CYSTM1: variants seen among roughly 807,000 people sequenced by gnomAD.
CYSTM1 encodes cysteine-rich transmembrane module-containing protein 1.
In CYSTM1, 4 loss-of-function variants were observed where a neutral mutation model predicts 13.1. The ratio of observed to expected loss-of-function variants is 0.31; its 90% CI spans 0.15 to 0.70. The LOEUF (loss-of-function observed/expected upper bound fraction) is 0.70. CYSTM1 is among the 30% of genes least tolerant of loss of function. CYSTM1 has a pLI of 0.72. For missense variants in CYSTM1, 96 were observed against 121.6 expected (o/e 0.79, Z 0.99); for synonymous variants, 36 against 42.7 (o/e 0.84, Z 0.62).
chr5:140,186,809 A>G (rs746054381), intron 1 of CYSTM1, among the ~76,000 whole-genome samples: 4 of 152,180 alleles, frequency 2.6e-5, no homozygotes, highest in African/African-American at 4.8e-5. Context: ...ACTCTAAACC[A>G]GAGATGATAT....
intron 2 of CYSTM1, among the ~76,000 whole-genome samples, chr5:140,226,860 T>G (rs1581071280): frequency 2.8e-5 from 4 of 145,074 alleles, no homozygotes; most frequent in South Asian, 2.2e-4. Flanking sequence ...GGCCAAGGGG[T>G]GGGGTGGGCA....
intron 2 of CYSTM1, among the ~76,000 whole-genome samples, chr5:140,222,564 T>G (rs1163195404): frequency 6.6e-6 from 1 of 152,262 alleles, no homozygotes; most frequent in Non-Finnish European, 1.5e-5. Flanking sequence ...ACTGCATAAC[T>G]AAAAATACTG....
intron 2 of CYSTM1, among the ~76,000 whole-genome samples, chr5:140,242,777 T>G (rs1204236135): frequency 6.6e-6 from 1 of 152,228 alleles, no homozygotes; most frequent in Non-Finnish European, 1.5e-5. Context: ...ATCCCTGCCT[T>G]CCTTCATCGT....
chr5:140,177,068 C>CAAAAAAAAAAAAAAAAAAAA lies in CYSTM1; in HGVS notation c.-21+1802_-21+1803insAAAAAAAAAAAAAAAAAAAA. On this transcript the variant is annotated intron_variant, in intron 1 of 2. Transcript: ENST00000261811. ...TGGGCGACAGAGCGAGACTCTGTCT[C>CAAAAAAAAAAAAAAAAAAAA]AAAAAAAAAAAAAAAAAAATCTCTA... 2.3e-5 allele frequency among the ~76,000 whole-genome samples: 2 copies of CAAAAAAAAAAAAAAAAAAAA among 87,944 alleles called. 1 individual carries two copies. Among genetic ancestry groups the CAAAAAAAAAAAAAAAAAAAA allele is most frequent in the Admixed American group, 2.6e-4 (2 of 7,752 alleles). The allele number at this position is 87,944 out of a possible 152,430, so 57.7% of individuals were successfully genotyped here.
intron 2 of CYSTM1, among the ~76,000 whole-genome samples, chr5:140,234,011 G>A (rs1374669540): frequency 3.9e-5 from 6 of 152,060 alleles, no homozygotes; most frequent in Non-Finnish European, 7.4e-5. Flanking sequence ...CACGTTTTTG[G>A]TGTCAGTCTA....
chr5:140,225,683 TG>T (rs1385829941), intron 2 of CYSTM1, among the ~76,000 whole-genome samples: 1 of 152,210 alleles, frequency 6.6e-6, no homozygotes, highest in Non-Finnish European at 1.5e-5. Context: ...GGAAAACTGA[TG>T]GGGACTGTTC....
At chr5:140,197,269 T>C (rs1472138923) in intron 2 of CYSTM1, among the ~76,000 whole-genome samples, 3 of 152,260 alleles carry the variant, frequency 2.0e-5, no homozygotes, top group Non-Finnish European at 1.5e-5. Flanking sequence ...TTACCTTTCA[T>C]GTAATTTAAG....
chr5:140,202,183 T>G (rs416628), intron 2 of CYSTM1: 115,615 of 151,916 alleles, frequency 0.76, 44,351 homozygotes, highest in African/African-American at 0.82. Context: ...TGATTCACCC[T>G]CCTCGGCCTC....
chr5:140,210,374 A>G (rs1041117393), intron 2 of CYSTM1, among the ~76,000 whole-genome samples: 10 of 152,302 alleles, frequency 6.6e-5, no homozygotes, highest in Middle Eastern at 3.4e-3. Context: ...AGCCTCTACC[A>G]TTAAATACCA....
At chr5:140,235,548 G>C (rs1343086028) in intron 2 of CYSTM1, among the ~76,000 whole-genome samples, 2 of 151,980 alleles carry the variant, frequency 1.3e-5, no homozygotes, top group Non-Finnish European at 2.9e-5. Flanking sequence ...TGGGACTACA[G>C]GCGCCCGCCA....
At chr5:140,206,636 T>TTG (rs1554132668) in intron 2 of CYSTM1, among the ~76,000 whole-genome samples, 1 of 151,842 alleles carries the variant, frequency 6.6e-6, no homozygotes, top group Non-Finnish European at 1.5e-5. Context: ...GTTTGTTTGT[T>TTG]TGTTTCTTTT....
rs10060203 is a variant in CYSTM1, at chr5:140,219,734, T to G, written c.188-23571T>G. 0.23 allele frequency among the ~76,000 whole-genome samples: 35,158 copies of G among 152,204 alleles called. 4,090 individuals carry two copies. Among genetic ancestry groups the G allele is most frequent in the African/African-American group, 0.25 (10,347 of 41,506 alleles). On this transcript the variant is annotated intron_variant, in intron 2 of 2. Coordinates refer to ENST00000261811, the MANE Select transcript of CYSTM1 (RefSeq NM_032412.4). This position sits in a 1 kb window ranked among gnomAD's most constrained non-coding sequence, Gnocchi z 4.1. ...TAAGATAAAACACGTTTTATGTTCA[T>G]TAAAAATGATATGGCAGTGTTTACC...
intron 2 of CYSTM1, among the ~76,000 whole-genome samples, chr5:140,233,003 G>GT (rs1479294938): frequency 6.6e-6 from 1 of 152,170 alleles, no homozygotes; most frequent in Non-Finnish European, 1.5e-5. Flanking sequence ...CTTCTGAACA[G>GT]TAGCAACAGT....
At chr5:140,234,670 T>G (rs568217333) in intron 2 of CYSTM1, among the ~76,000 whole-genome samples, 1 of 152,130 alleles carries the variant, frequency 6.6e-6, no homozygotes, top group Non-Finnish European at 1.5e-5. Context: ...TACTATTCAT[T>G]AAATTGGGTA....
intron 1 of CYSTM1, among the ~76,000 whole-genome samples, chr5:140,180,180 TGAG>T (rs1457991707): frequency 6.6e-6 from 1 of 152,130 alleles, no homozygotes; most frequent in East Asian, 1.9e-4. Flanking sequence ...GTAAATTGGA[TGAG>T]GAGTGAAATA....
At chr5:140,214,274 C>T (rs1434684289) in intron 2 of CYSTM1, among the ~76,000 whole-genome samples, 4 of 152,180 alleles carry the variant, frequency 2.6e-5, no homozygotes, top group Non-Finnish European at 4.4e-5. Flanking sequence ...CTCAAAGATG[C>T]CCTTGGATTT....
intron 2 of CYSTM1, among the ~76,000 whole-genome samples, chr5:140,207,032 G>A (rs1469525304): frequency 6.6e-6 from 1 of 152,104 alleles, no homozygotes; most frequent in Non-Finnish European, 1.5e-5. Context: ...GAATCTTCCA[G>A]TGCCCAAATG....
chr5:140,202,973 A>C (rs1295964684), intron 2 of CYSTM1: 1 of 144,474 alleles, frequency 6.9e-6, no homozygotes, highest in East Asian at 2.0e-4. Context: ...AATTATCTCA[A>C]ATCCAAAAAG....
intron 1 of CYSTM1, among the ~76,000 whole-genome samples, chr5:140,177,068 C>CAAAAAAAAAAACAAAAAAAAAACA (rs1763897904): frequency 5.7e-5 from 5 of 87,950 alleles, no homozygotes; most frequent in African/African-American, 2.2e-4. Context: ...GACTCTGTCT[C>CAAAAAAAAAAACAAAAAAAAAACA]AAAAAAAAAA....
Sources: allele counts gnomAD v4.1 joint callset (sites outside exome capture counted in the v4.1 genomes callset), GRCh38; gene constraint gnomAD v4.1.1; non-coding constraint Gnocchi (gnomAD v3.1); transcripts MANE v1.5; gene names NCBI Gene and HGNC (gene_info 2026-07-23, HGNC 2026-07-21).